DMXL1: variants seen among roughly 807,000 people sequenced by gnomAD.
The protein encoded by DMXL1 is Dmx like 1.
A neutral mutation model predicts 319.2 loss-of-function variants in DMXL1; 99 were observed. That is an observed-to-expected ratio of 0.31 (90% CI 0.26 to 0.37). DMXL1 has a LOEUF of 0.37. Ranked by LOEUF, DMXL1 falls within the 10% of genes least tolerant of loss-of-function variation. The pLI, the probability that DMXL1 is intolerant of heterozygous loss-of-function variation, is 1.00. For synonymous variants in DMXL1, 1,385 were observed against 1,235.2 expected (o/e 1.12, Z -2.54); for missense variants, 3,745 against 3,595.6 (o/e 1.04, Z -1.06).
At chr5:119,114,953 C>T (rs1303034603) in intron 6 of DMXL1, among the ~76,000 whole-genome samples, 1 of 152,194 alleles carries the variant, frequency 6.6e-6, no homozygotes, top group Non-Finnish European at 1.5e-5. Flanking sequence ...TAGGCGTGAG[C>T]CACCATGCCC....
intron 28 of DMXL1, 105 bp downstream of exon 28, chr5:119,178,349 G>C (rs1184433369): frequency 4.7e-6 from 6 of 1,283,776 alleles, no homozygotes; most frequent in Non-Finnish European, 6.4e-6. Flanking sequence ...TCTGGTTAGA[G>C]ACCATTTGCG....
At chr5:119,214,056 T>C (rs534208907) in intron 34 of DMXL1, among the ~76,000 whole-genome samples, 2 of 152,322 alleles carry the variant, frequency 1.3e-5, no homozygotes, top group African/African-American at 4.8e-5. Flanking sequence ...CCTTGGGTTA[T>C]CTTACGGTTT....
At chr5:119,225,469 G>GTT (rs1785366677) in intron 38 of DMXL1, among the ~76,000 whole-genome samples, 1 of 151,610 alleles carries the variant, frequency 6.6e-6, no homozygotes, top group African/African-American at 2.4e-5. Context: ...TTTTTTTTAA[G>GTT]TTATGCCCTT....
intron 36 of DMXL1, 128 bp from the exon 37 acceptor site, chr5:119,220,812 T>A (rs1421642836): frequency 1.6e-6 from 2 of 1,216,842 alleles, no homozygotes; most frequent in Non-Finnish European, 2.3e-6. Flanking sequence ...TCATTGTGTG[T>A]GAGTTACAAA....
rs568884112 is a variant in DMXL1, at chr5:119,080,116, G to A, written c.87+8460G>A. On this transcript the variant is annotated intron_variant, in intron 1 of 43. Transcript: ENST00000539542. ...AATCCCAGCACTTTGGGAGGCTGAG[G>A]CGGGTGGATTGCTTGAGGTCAGGAG... Among the ~76,000 whole-genome samples the A allele has an allele frequency of 1.1e-4, 16 of 152,330 alleles. 1 individual carries two copies. In the South Asian group the frequency reaches 1.4e-3, roughly 14 times the overall value.
chr5:119,222,323 G>T (rs1328375716), intron 37 of DMXL1, among the ~76,000 whole-genome samples: 3 of 152,134 alleles, frequency 2.0e-5, no homozygotes, highest in African/African-American at 7.2e-5. Context: ...CCTTAGTTCA[G>T]TGATTTCAAG....
intron 1 of DMXL1, among the ~76,000 whole-genome samples, chr5:119,082,020 T>TAC (rs565047535): frequency 0.028 from 3,061 of 107,990 alleles, 61 homozygotes; most frequent in Middle Eastern, 0.092. Flanking sequence ...TATATATATA[T>TAC]ACACACACAC....
chr5:119,090,489 C>A (rs1036922134), intron 1 of DMXL1, among the ~76,000 whole-genome samples: 1 of 149,580 alleles, frequency 6.7e-6, no homozygotes, highest in Admixed American at 6.7e-5. Flanking sequence ...TCTTAGATTT[C>A]ATTTTTGAGG....
intron 19 of DMXL1, among the ~76,000 whole-genome samples, chr5:119,154,240 C>G (rs1263823831): frequency 6.6e-6 from 1 of 152,170 alleles, no homozygotes; most frequent in Admixed American, 6.5e-5. Flanking sequence ...CCCTTTAAAT[C>G]AAAAGCTAGA....
intron 9 of DMXL1, among the ~76,000 whole-genome samples, chr5:119,124,756 G>C (rs972458331): frequency 2.6e-5 from 4 of 151,950 alleles, no homozygotes; most frequent in Admixed American, 6.5e-5. Flanking sequence ...AGTAGAGATG[G>C]TGTTTCACCA....
intron 19 of DMXL1, among the ~76,000 whole-genome samples, chr5:119,161,210 A>T (rs548889487): frequency 1.3e-5 from 2 of 152,246 alleles, no homozygotes; most frequent in East Asian, 3.9e-4. Flanking sequence ...CCCTGCCTTT[A>T]GGTTCTGAGG....
At chr5:119,131,285 G>A (rs1352467598) in intron 10 of DMXL1, among the ~76,000 whole-genome samples, 2 of 152,032 alleles carry the variant, frequency 1.3e-5, no homozygotes, top group Admixed American at 1.3e-4. Context: ...GGGGGAGGGT[G>A]AGGGGACTGG....
chr5:119,237,798 A>T (rs1473417206), intron 40 of DMXL1, among the ~76,000 whole-genome samples: 2 of 152,072 alleles, frequency 1.3e-5, no homozygotes, highest in African/African-American at 4.8e-5. Context: ...ACAAAGTGAA[A>T]AGGACATCCT....
At chr5:119,191,742 A>G (rs1778731892) in intron 29 of DMXL1, among the ~76,000 whole-genome samples, 1 of 152,174 alleles carries the variant, frequency 6.6e-6, no homozygotes, top group African/African-American at 2.4e-5. Flanking sequence ...AGAATTTTAA[A>G]GACAATCCTG....
chr5:119,082,016 TATATACACACACACACACAC>T (rs1276506550), intron 1 of DMXL1, among the ~76,000 whole-genome samples: 1 of 78,724 alleles, frequency 1.3e-5, no homozygotes, highest in African/African-American at 3.7e-5. Flanking sequence ...TATATATATA[TATATACACACACACACACAC>T]ACACACACAC....
At chr5:119,209,322 A>G (rs756502777) in intron 34 of DMXL1, among the ~76,000 whole-genome samples, 7 of 151,382 alleles carry the variant, frequency 4.6e-5, no homozygotes, top group Admixed American at 3.3e-4. Flanking sequence ...TATATTCTCA[A>G]TGGATTGTGT....
rs376988255 is a variant in DMXL1 at position 119,134,377 on chromosome 5, C to T, written c.2364C>T (p.Asn788=). 2.5e-6 allele frequency: 4 copies of T among 1,608,634 alleles called. No homozygotes were observed. In the African/African-American group the frequency reaches 5.4e-5, roughly 22 times the overall value. ...DAKKLLSELS[N]PEISKYVGEV... is the part of the protein sequence containing the mutation. ...AGAAACTTTTATCTGAGCTTTCTAA[C>T]CCTGAAATTTCTGTAAGTAATGTCT... Residue 788 remains asparagine (N), a synonymous_variant, in exon 13 of 44, where the codon AAC becomes AAT. Coordinates refer to ENST00000539542, the MANE Select transcript of DMXL1 (RefSeq NM_001290321.3).
At chr5:119,109,205 T>A (rs1478633436) in intron 4 of DMXL1, among the ~76,000 whole-genome samples, 6 of 152,216 alleles carry the variant, frequency 3.9e-5, no homozygotes, top group Non-Finnish European at 5.9e-5. Context: ...GGAGTTGTTT[T>A]CTAAAAAGTA....
Position 119,150,007 on chromosome 5 carries a change from A to C in DMXL1, c.4180A>C (p.Asn1394His). The change falls in exon 18 of 44, where the codon AAT (asparagine) becomes CAT (histidine). Residue 1394 changes from asparagine to histidine, a missense_variant. Asn to His is a moderately conservative substitution (Grantham distance 68). Transcript: ENST00000539542. ...CCCCCAGGCATTCAACAAGGCTGAA[A>C]ATACAGATTACACAGAAATAGATTC... Reference protein sequence around the residue: ...RDPQAFNKAENTDYTEIDSVP... With the variant: ...RDPQAFNKAEHTDYTEIDSVP... 6.2e-7 allele frequency: 1 copy of C among 1,613,948 alleles called. No individual in the cohort carries two copies. The highest frequency in any genetic ancestry group is 8.5e-7 in the Non-Finnish European group (1 of 1,179,930).
Sources: allele counts gnomAD v4.1 joint callset (sites outside exome capture counted in the v4.1 genomes callset), GRCh38; gene constraint gnomAD v4.1.1; transcripts MANE v1.5; gene names NCBI Gene and HGNC (gene_info 2026-07-23, HGNC 2026-07-21).